STAM2: variants seen among roughly 807,000 people sequenced by gnomAD.
STAM2 encodes the protein signal transducing adaptor molecule 2.
STAM2 carries 51 observed loss-of-function variants against 65.6 expected under a neutral mutation model. The ratio of observed to expected loss-of-function variants is 0.78; its 90% CI spans 0.62 to 0.98. The LOEUF (loss-of-function observed/expected upper bound fraction) is 0.98. STAM2 is among the 50% of genes least tolerant of loss of function. The probability of loss-of-function intolerance (pLI) is 0.00; values close to 1 mark genes in which losing one functional copy is unlikely to be tolerated. For missense variants in STAM2, 584 were observed against 617.8 expected (o/e 0.95, Z 0.58); for synonymous variants, 198 against 208.4 (o/e 0.95, Z 0.43).
At chr2:152,153,139 C>T (rs1200789641) in intron 1 of STAM2, among the ~76,000 whole-genome samples, 1 of 152,034 alleles carries the variant, frequency 6.6e-6, no homozygotes, top group African/African-American at 2.4e-5. Context: ...TTAACTTTTA[C>T]AAAAATTTCA....
intron 12 of STAM2, chr2:152,124,511 A>G (rs996420361): frequency 6.6e-6 from 1 of 152,328 alleles, no homozygotes; most frequent in Non-Finnish European, 1.5e-5. Flanking sequence ...TATCCTCAGG[A>G]AACAGCAAAA....
chr2:152,120,742 T>C lies in STAM2; in HGVS notation c.1410A>G (p.Ser470=). The C allele has an allele frequency of 1.2e-6, 2 of 1,614,182 alleles. No homozygotes were observed. Among genetic ancestry groups the C allele is most frequent in the Non-Finnish European group, 1.7e-6 (2 of 1,180,024 alleles). The part of the protein sequence containing the change: ...TYMNQNSNLQ[S]ATGTTAYTQQ... ...GTGTGTAAGCAGTTGTACCAGTAGC[T>C]GACTGTAGGTTAGAGTTCTGGTTCA... The change falls in exon 14 of 14, where the codon TCA becomes TCG. Residue 470 remains serine (S), a synonymous_variant. Transcript: ENST00000263904.
At chr2:152,169,021 G>A (rs967352510) in intron 1 of STAM2, among the ~76,000 whole-genome samples, 1 of 152,156 alleles carries the variant, frequency 6.6e-6, no homozygotes, top group Non-Finnish European at 1.5e-5. Context: ...GTGGAGAAGG[G>A]TTTCTTTTCT....
chr2:152,142,498 C>T (rs1161514507), intron 7 of STAM2, among the ~76,000 whole-genome samples: 2 of 152,116 alleles, frequency 1.3e-5, no homozygotes, highest in Admixed American at 1.3e-4. Flanking sequence ...TCAGAGCCCA[C>T]ACTATCTCTC....
At chr2:152,165,321 C>T (rs1163576314) in intron 1 of STAM2, among the ~76,000 whole-genome samples, 2 of 151,962 alleles carry the variant, frequency 1.3e-5, no homozygotes, top group Non-Finnish European at 2.9e-5. Context: ...GTCCCAACTC[C>T]TCAGGAGGCT....
At chr2:152,160,250 C>G (rs1221355600) in intron 1 of STAM2, among the ~76,000 whole-genome samples, 1 of 151,300 alleles carries the variant, frequency 6.6e-6, no homozygotes, top group Non-Finnish European at 1.5e-5. Context: ...TGAGGAGCGT[C>G]TCTGCCCGGC....
At chr2:152,128,591 T>G (rs1190582954) in intron 11 of STAM2, among the ~76,000 whole-genome samples, 1 of 152,144 alleles carries the variant, frequency 6.6e-6, no homozygotes, top group Non-Finnish European at 1.5e-5. Context: ...TGAAATCCCC[T>G]TAAAGATTTG....
intron 4 of STAM2, 88 bp downstream of exon 4, chr2:152,147,936 A>T (rs1689364928): frequency 1.0e-6 from 1 of 975,424 alleles, no homozygotes; most frequent in Non-Finnish European, 1.5e-6. Flanking sequence ...CTTCATTTAT[A>T]ATACTTTAGT....
At chr2:152,133,529 T>G in intron 8 of STAM2, 45 bp from the exon 9 acceptor site, 1 of 1,469,742 alleles carries the variant, frequency 6.8e-7, no homozygotes, top group Non-Finnish European at 9.4e-7. Flanking sequence ...TTTACTTCAG[T>G]AATTTTAGTC....
At chr2:152,124,052 G>T in intron 12 of STAM2, 117 bp from the exon 13 acceptor site, 1 of 824,520 alleles carries the variant, frequency 1.2e-6, no homozygotes, top group Non-Finnish European at 1.9e-6. Flanking sequence ...GAAGCAATCT[G>T]ATTCTACCAA....
In STAM2 at chr2:152,118,140, T is replaced by C. The variant is rs1220501256; in HGVS notation, c.*2434A>G. 1.3e-5 allele frequency: 2 copies of C among 152,092 alleles called. No individual in the cohort carries two copies. Among genetic ancestry groups the C allele is most frequent in the African/African-American group, 4.8e-5 (2 of 41,440 alleles). The allele number at this position is 152,092 out of a possible 1,614,324, so 9.4% of individuals were successfully genotyped here. A position where few individuals can be genotyped will look rare whatever the true frequency, so the allele number is the denominator to read the frequency against. On this transcript the variant is annotated 3_prime_UTR_variant, in exon 14 of 14. Coordinates refer to ENST00000263904, the MANE Select transcript of STAM2 (RefSeq NM_005843.6). ...AAAAAGCAGAAGCTATTTTTTTATT[T>C]CTGATATAAAACAGTAAGTATGAAC...
chr2:152,120,399 A>G lies in STAM2; in HGVS notation c.*175T>C, dbSNP rs1688829090. ...TGACTTCAAACAAACTGGACTGAAA[A>G]AAAAAAAAAAAAAAAACCTTTTATG... On this transcript the variant is annotated 3_prime_UTR_variant, in exon 14 of 14. Coordinates refer to ENST00000263904, the MANE Select transcript of STAM2 (RefSeq NM_005843.6). 1 of 487,964 alleles carries G rather than the reference A, an allele frequency of 2.0e-6. No individual in the cohort carries two copies. Among genetic ancestry groups the G allele is most frequent in the Admixed American group, 3.5e-5 (1 of 28,274 alleles). 30.2% of individuals were successfully genotyped at this position (487,964 alleles called of 1,614,324 possible). A position where few individuals can be genotyped will look rare whatever the true frequency, so the allele number is the denominator to read the frequency against.
At chr2:152,131,985 C>A (rs976264499) in intron 11 of STAM2, 129 bp downstream of exon 11, 10 of 609,478 alleles carry the variant, frequency 1.6e-5, no homozygotes, top group South Asian at 1.5e-4. Flanking sequence ...TTGTTAAAAG[C>A]CTGGGAAACT....
At chr2:152,139,612 A>G (rs1689210015) in intron 7 of STAM2, among the ~76,000 whole-genome samples, 1 of 152,216 alleles carries the variant, frequency 6.6e-6, no homozygotes. Context: ...AATCTCTCCT[A>G]CAGAACTGAC....
chr2:152,153,834 C>T (rs779356728), intron 1 of STAM2, among the ~76,000 whole-genome samples: 2 of 150,734 alleles, frequency 1.3e-5, no homozygotes, highest in Admixed American at 6.6e-5. Flanking sequence ...TCTACGAATC[C>T]TTTTTCCAAT....
intron 1 of STAM2, among the ~76,000 whole-genome samples, chr2:152,160,911 C>T (rs1261960557): frequency 7.9e-5 from 12 of 151,028 alleles, no homozygotes; most frequent in African/African-American, 2.2e-4. Context: ...CCGCCCCATC[C>T]GGGAGGTGAG....
chr2:152,138,664 G>C (rs1489457451), intron 7 of STAM2, among the ~76,000 whole-genome samples: 1 of 152,166 alleles, frequency 6.6e-6, no homozygotes, highest in East Asian at 1.9e-4. Context: ...AGAAAGAGAC[G>C]AAAGAGTTAT....
chr2:152,137,865 T>C (rs747538429), intron 7 of STAM2, among the ~76,000 whole-genome samples: 14 of 152,170 alleles, frequency 9.2e-5, no homozygotes, highest in African/African-American at 1.9e-4. Flanking sequence ...ATTTATTAAA[T>C]AGTCCACCAT....
chr2:152,120,373 T>C lies in STAM2; in HGVS notation c.*201A>G, dbSNP rs903055138. 1.3e-5 allele frequency: 7 copies of C among 551,212 alleles called. No homozygotes were observed. The highest frequency in any genetic ancestry group is 4.9e-5 in the South Asian group (2 of 40,872). The allele number at this position is 551,212 out of a possible 1,614,324, so 34.1% of individuals were successfully genotyped here. ...CTTTAAGCTGCCTCTGATGAAAAGA[T>C]TGACTTCAAACAAACTGGACTGAAA... On this transcript the variant is annotated 3_prime_UTR_variant, in exon 14 of 14. Transcript: ENST00000263904.
Sources: allele counts gnomAD v4.1 joint callset (sites outside exome capture counted in the v4.1 genomes callset), GRCh38; gene constraint gnomAD v4.1.1; transcripts MANE v1.5; gene names NCBI Gene and HGNC (gene_info 2026-07-23, HGNC 2026-07-21).